Variants in EPB41L4B observed in about 807,000 individuals in gnomAD.
EPB41L4B encodes the protein band 4.1-like protein 4B.
Under a neutral mutation model 112.5 loss-of-function variants are expected in EPB41L4B, and 30 were observed. That is an observed-to-expected ratio of 0.27 (90% CI 0.20 to 0.36). The LOEUF (loss-of-function observed/expected upper bound fraction) is 0.36. Among genes scored for constraint, EPB41L4B ranks in the 10% least tolerant of loss-of-function variants. EPB41L4B has a pLI of 1.00. For synonymous variants in EPB41L4B, 408 were observed against 439.7 expected (o/e 0.93, Z 0.90); for missense variants, 1,024 against 1,133.3 (o/e 0.90, Z 1.38).
chr9:109,205,450 C>T (rs1461693813), intron 18 of EPB41L4B, among the ~76,000 whole-genome samples: 1 of 152,202 alleles, frequency 6.6e-6, no homozygotes, highest in African/African-American at 2.4e-5. Context: ...CATGTTACAA[C>T]TTTCTAATGT....
chr9:109,194,609 G>GCTGTT lies in EPB41L4B; in HGVS notation c.2046-213_2046-212insAACAG, dbSNP rs199797933. 2.3e-3 allele frequency among the ~76,000 whole-genome samples: 339 copies of GCTGTT among 147,066 alleles called. 2 individuals are homozygous for GCTGTT. The highest frequency in any genetic ancestry group is 8.6e-3 in the African/African-American group (324 of 37,660). On this transcript the variant is annotated intron_variant, in intron 20 of 25. Transcript: ENST00000374566. ...TGAATTTTCTGTCATTTGCCAGGGTGTTGTTTTGTTTTGTTGGTAAAATAT... is the reference window on the plus strand; with the variant it reads ...TGAATTTTCTGTCATTTGCCAGGGTGCTGTTTTGTTTTGTTTTGTTGGTAAAATAT...
At chr9:109,285,320 G>A (rs537445399) in intron 1 of EPB41L4B, among the ~76,000 whole-genome samples, 22 of 152,182 alleles carry the variant, frequency 1.4e-4, no homozygotes, top group African/African-American at 5.1e-4. Flanking sequence ...AGTGTAGAAG[G>A]GGCTCGAGGT....
At chr9:109,234,716 A>C (rs533108390) in intron 15 of EPB41L4B, among the ~76,000 whole-genome samples, 1 of 152,274 alleles carries the variant, frequency 6.6e-6, no homozygotes, top group Admixed American at 6.5e-5. Context: ...TTTTTTAAAA[A>C]TTTAGCAAAG....
chr9:109,184,420 T>A (rs1045147667), intron 23 of EPB41L4B, among the ~76,000 whole-genome samples: 3 of 152,164 alleles, frequency 2.0e-5, no homozygotes. Context: ...GGGTTTTACA[T>A]GTTGGCCAGG....
intron 19 of EPB41L4B, among the ~76,000 whole-genome samples, chr9:109,202,141 G>C (rs1206797968): frequency 6.6e-6 from 1 of 152,186 alleles, no homozygotes; most frequent in Non-Finnish European, 1.5e-5. Flanking sequence ...TCAGGCCTGG[G>C]TGAGGGGTAG....
chr9:109,188,050 T>C (rs1832333019), intron 22 of EPB41L4B, among the ~76,000 whole-genome samples: 1 of 152,248 alleles, frequency 6.6e-6, no homozygotes, highest in African/African-American at 2.4e-5. Context: ...TTGGGTCTTT[T>C]CTGCAGGCAA....
chr9:109,317,565 C>G (rs1352114332), intron 1 of EPB41L4B, among the ~76,000 whole-genome samples: 1 of 152,188 alleles, frequency 6.6e-6, no homozygotes, highest in East Asian at 1.9e-4. Context: ...AATTTCAGAA[C>G]ACAAGCATCC....
intron 1 of EPB41L4B, among the ~76,000 whole-genome samples, 156 bp downstream of exon 1, chr9:109,319,985 A>G (rs1837793265): frequency 6.6e-6 from 1 of 152,024 alleles, no homozygotes; most frequent in African/African-American, 2.4e-5. Context: ...GGGTGGCCCA[A>G]GAAGAAAAAG....
intron 18 of EPB41L4B, 95 bp downstream of exon 18, chr9:109,207,829 A>G: frequency 6.7e-7 from 1 of 1,496,984 alleles, no homozygotes; most frequent in South Asian, 1.2e-5. Flanking sequence ...ACCCTGACTG[A>G]CACAGCATCT....
chr9:109,251,508 C>T lies in EPB41L4B; in HGVS notation c.1283G>A (p.Ser428Asn). ...GAGCTGGGCTGCTATCACTGGGTTG[C>T]TTGCTATAAAGGAAAAACAGAAAGT... ...PSRRHSTFKA[S>N]NPVIAAQLCS... Residue 428 changes from serine (S) to asparagine (N), a missense_variant, in exon 13 of 26, where the codon AGC (serine) becomes AAC (asparagine). Physicochemically the swap from Ser to Asn is conservative, Grantham distance 46 (BLOSUM62 1). Transcript: ENST00000374566. The T allele has an allele frequency of 1.2e-6, 2 of 1,614,026 alleles. No individual in the cohort carries two copies. Among genetic ancestry groups the T allele is most frequent in the South Asian group, 1.1e-5 (1 of 91,086 alleles).
At chr9:109,278,537 A>G (rs950257112) in intron 2 of EPB41L4B, among the ~76,000 whole-genome samples, 2 of 152,200 alleles carry the variant, frequency 1.3e-5, no homozygotes, top group Non-Finnish European at 2.9e-5. Flanking sequence ...ACTTCCAGAT[A>G]CAATCAGGAA....
At chr9:109,205,559 A>G (rs536368561) in intron 18 of EPB41L4B, among the ~76,000 whole-genome samples, 2 of 152,322 alleles carry the variant, frequency 1.3e-5, no homozygotes, top group East Asian at 3.9e-4. Flanking sequence ...AGGTAGACTG[A>G]AAATAAAGAA....
At chr9:109,226,148 A>T (rs1468470983) in intron 15 of EPB41L4B, among the ~76,000 whole-genome samples, 1 of 152,058 alleles carries the variant, frequency 6.6e-6, no homozygotes, top group African/African-American at 2.4e-5. Flanking sequence ...CCTGCAACTT[A>T]CACTGTTTAC....
chr9:109,282,793 C>T (rs936474870), intron 1 of EPB41L4B, among the ~76,000 whole-genome samples: 4 of 152,020 alleles, frequency 2.6e-5, no homozygotes, highest in Non-Finnish European at 4.4e-5. Flanking sequence ...TGGATTCAAG[C>T]GATTCTGCTG....
intron 24 of EPB41L4B, among the ~76,000 whole-genome samples, chr9:109,179,313 T>A (rs1831966124): frequency 6.6e-6 from 1 of 152,220 alleles, no homozygotes; most frequent in African/African-American, 2.4e-5. Context: ...CCAGCGCTGC[T>A]AAACAACCCC....
intron 19 of EPB41L4B, among the ~76,000 whole-genome samples, chr9:109,203,160 T>C (rs1046868301): frequency 2.6e-5 from 4 of 152,108 alleles, no homozygotes; most frequent in Admixed American, 1.3e-4. Flanking sequence ...TCTTAAAAAA[T>C]AATAATTAAA....
intron 1 of EPB41L4B, among the ~76,000 whole-genome samples, chr9:109,281,503 G>T (rs192476244): frequency 1.3e-5 from 2 of 152,116 alleles, no homozygotes; most frequent in African/African-American, 4.8e-5. Flanking sequence ...AGGAGTTCAA[G>T]ACCAGCCTGG....
chr9:109,197,384 T>A (rs560889388), intron 20 of EPB41L4B, among the ~76,000 whole-genome samples: 76 of 151,608 alleles, frequency 5.0e-4, no homozygotes, highest in Middle Eastern at 3.4e-3. Flanking sequence ...GACTGAGCCA[T>A]TGCACTCCAG....
At chr9:109,188,244 A>T (rs915619480) in intron 22 of EPB41L4B, among the ~76,000 whole-genome samples, 46 of 152,178 alleles carry the variant, frequency 3.0e-4, no homozygotes, top group African/African-American at 1.0e-3. Flanking sequence ...AGGGAGGAGG[A>T]GTAGACTTTA....
Sources: gnomAD v4.1 joint callset for allele counts (sites outside exome capture counted in the v4.1 genomes callset) on GRCh38, gnomAD v4.1.1 for gene constraint, MANE v1.5 for transcripts, NCBI Gene and HGNC (gene_info 2026-07-23, HGNC 2026-07-21) for gene names.